Variants in NABP1 observed in about 807,000 individuals in gnomAD.
NABP1 encodes nucleic acid binding protein 1, also known as SOSS complex subunit B2.
Under a neutral mutation model 25.0 loss-of-function variants are expected in NABP1, and 18 were observed. That is an observed-to-expected ratio of 0.72 (90% CI 0.50 to 1.07). NABP1 has a LOEUF of 1.07. Ranked by LOEUF, NABP1 falls within the 50% of genes least tolerant of loss-of-function variation. The pLI is 0.00. For synonymous variants in NABP1, 71 were observed against 85.0 expected (o/e 0.84, Z 0.91); for missense variants, 270 against 255.6 (o/e 1.06, Z -0.39).
rs766971324 is a variant in NABP1, at chr2:191,679,175, G to A, written c.230+47G>A. 10 of 1,610,776 alleles carry A rather than the reference G, an allele frequency of 6.2e-6. No individual in the cohort carries two copies. In the African/African-American group the frequency reaches 1.3e-4, roughly 22 times the overall value. The stretch of plus-strand genomic sequence containing the variant: ...GGGACCTAACAGTCTGCAGAATCGG[G>A]ATTGGCCGGCTCCTGGGATCTTGGC... On this transcript the variant is annotated intron_variant, in intron 2 of 5. Coordinates refer to ENST00000425611, the MANE Select transcript of NABP1 (RefSeq NM_001031716.5).
intron 2 of NABP1, among the ~76,000 whole-genome samples, chr2:191,680,227 A>C (rs766184999): frequency 6.6e-6 from 1 of 152,244 alleles, no homozygotes; most frequent in Non-Finnish European, 1.5e-5. Flanking sequence ...GAGATCAATA[A>C]AATTGTAATA....
intron 3 of NABP1, 36 bp downstream of exon 3, chr2:191,682,053 A>G (rs753386617): frequency 5.0e-6 from 6 of 1,204,778 alleles, no homozygotes; most frequent in South Asian, 5.0e-5. Context: ...AATTGCATAT[A>G]TTATAAATAA....
chr2:191,678,736 C>A (rs780908046), intron 1 of NABP1, 31 bp downstream of exon 1: 105 of 1,581,132 alleles, frequency 6.6e-5, no homozygotes, highest in Non-Finnish European at 8.8e-5. Flanking sequence ...ACTCCACCGC[C>A]CGCTGTGCCT....
intron 2 of NABP1, 78 bp from the exon 3 acceptor site, chr2:191,681,868 A>G (rs949692859): frequency 6.5e-6 from 6 of 929,978 alleles, no homozygotes; most frequent in South Asian, 2.4e-5. Flanking sequence ...CAAAAAATAT[A>G]TAGTGTGAAG....
Position 191,684,231 on chromosome 2 carries a change from C to A in NABP1, c.380C>A (p.Ala127Glu). ...PDYRGQQNKG[A>E]QSEQKNNSMN... Reference sequence around the variant, plus strand: ...GTTAAATTAAAAACTTTTTTTTAGGCACAGAGTGAACAGAAGAATAATTCC... The same window carrying A: ...GTTAAATTAAAAACTTTTTTTTAGGAACAGAGTGAACAGAAGAATAATTCC... The change falls in exon 5 of 6, where the codon GCA (alanine) becomes GAA (glutamate). Residue 127 changes from alanine (A) to glutamate (E), a missense_variant and splice_region_variant. Transcript: ENST00000425611. The A allele has an allele frequency of 1.3e-6, 2 of 1,542,260 alleles. No individual in the cohort carries two copies. Among genetic ancestry groups the A allele is most frequent in the South Asian group, 1.2e-5 (1 of 81,492 alleles).
intron 1 of NABP1, 59 bp from the exon 2 acceptor site, chr2:191,678,931 C>T (rs567305362): frequency 1.9e-6 from 3 of 1,610,438 alleles, no homozygotes; most frequent in Non-Finnish European, 2.5e-6. Context: ...GAGGAGTTAG[C>T]CTTTCTGGAT....
In NABP1 at chr2:191,683,345, G is replaced by A; in HGVS notation, c.303-384G>A. 1 of 261,164 alleles carries A rather than the reference G, an allele frequency of 3.8e-6. No homozygotes were observed. Among genetic ancestry groups the A allele is most frequent in the Non-Finnish European group, 7.4e-6 (1 of 135,528 alleles). 16.2% of individuals were successfully genotyped at this position (261,164 alleles called of 1,614,324 possible). A position where few individuals can be genotyped will look rare whatever the true frequency, so the allele number is the denominator to read the frequency against. On this transcript the variant is annotated intron_variant, in intron 3 of 5. Coordinates refer to ENST00000425611, the MANE Select transcript of NABP1 (RefSeq NM_001031716.5). The surrounding 1 kb of genome is among the most constrained non-coding windows in gnomAD (Gnocchi z 4.1). Reference sequence around the variant, plus strand: ...AATGGGAGTGGGTGAATGGATCGGTGCAAATCCATTACCACTGCTGGAGAA... The same window carrying A: ...AATGGGAGTGGGTGAATGGATCGGTACAAATCCATTACCACTGCTGGAGAA...
intron 2 of NABP1, among the ~76,000 whole-genome samples, chr2:191,680,386 AGT>A: frequency 6.6e-6 from 1 of 152,312 alleles, no homozygotes; most frequent in African/African-American, 2.4e-5. Flanking sequence ...AGTGAGGTAA[AGT>A]GTCATCAAAG....
chr2:191,682,514 G>A (rs779380208), intron 3 of NABP1: 4 of 471,050 alleles, frequency 8.5e-6, no homozygotes, highest in South Asian at 1.5e-5. Flanking sequence ...GCAGGCAGCC[G>A]CAATGCGAGA....
chr2:191,682,565 C>T (rs1000267654), intron 3 of NABP1: 6 of 471,052 alleles, frequency 1.3e-5, no homozygotes, highest in Non-Finnish European at 2.6e-5. Context: ...CCACCCTGAC[C>T]TGGAGGAGCC....
intron 5 of NABP1, 26 bp from the exon 6 acceptor site, chr2:191,685,573 T>C: frequency 6.3e-7 from 1 of 1,583,280 alleles, no homozygotes; most frequent in Non-Finnish European, 8.6e-7. Context: ...CTGAAAATAG[T>C]GATGAATTTT....
rs746325540 is a variant in NABP1 at position 191,678,595 on chromosome 2, G to T, written c.-20G>T. The T allele has an allele frequency of 1.3e-6, 2 of 1,588,260 alleles. No individual in the cohort carries two copies. The highest frequency in any genetic ancestry group is 1.1e-5 in the South Asian group (1 of 89,968). ...CCTGCCCACTCGCGTCTCCGCAGCC[G>T]TAGCCGCGCCTGTCCCAATATGAAT... is the stretch of plus-strand genomic sequence containing the variant. On this transcript the variant is annotated 5_prime_UTR_variant, in exon 1 of 6. Coordinates refer to ENST00000425611, the MANE Select transcript of NABP1 (RefSeq NM_001031716.5).
rs1687738257 is a variant in NABP1, at chr2:191,683,496, AAAG to A, written c.303-227_303-225del. 7.7e-6 allele frequency: 3 copies of A among 387,516 alleles called. No individual in the cohort carries two copies. The highest frequency in any genetic ancestry group is 1.1e-4 in the East Asian group (2 of 17,906). The allele number at this position is 387,516 out of a possible 1,614,324, so 24.0% of individuals were successfully genotyped here. Reference sequence around the variant, plus strand: ...TTGATGTGATTTTTTTTTCAGCACTAAAGAAGAATTTAAATACAAAATAGAATG... The same window carrying A: ...TTGATGTGATTTTTTTTTCAGCACTAAAGAATTTAAATACAAAATAGAATG... On this transcript the variant is annotated intron_variant, in intron 3 of 5. Transcript: ENST00000425611. This position sits in a 1 kb window ranked among gnomAD's most constrained non-coding sequence, Gnocchi z 4.1.
At position 191,683,479 on chromosome 2, in the gene NABP1, AT is replaced by A. The variant is rs137973508; in HGVS notation, c.303-241del. The A allele has an allele frequency of 1.4e-4, 51 of 369,664 alleles. No individual in the cohort carries two copies. Among genetic ancestry groups the A allele is most frequent in the East Asian group, 1.9e-4 (3 of 15,484 alleles). 22.9% of individuals were successfully genotyped at this position (369,664 alleles called of 1,614,324 possible). ...TTTTGTGTCCTTGATTTTTGATGTG[AT>A]TTTTTTTTCAGCACTAAAGAAGAAT... On this transcript the variant is annotated intron_variant, in intron 3 of 5. Coordinates refer to ENST00000425611, the MANE Select transcript of NABP1 (RefSeq NM_001031716.5). The surrounding 1 kb of genome is among the most constrained non-coding windows in gnomAD (Gnocchi z 4.1).
rs776212222 is a variant in NABP1 at position 191,683,748 on chromosome 2, G to C, written c.322G>C (p.Glu108Gln). Residue 108 changes from glutamate to glutamine, a missense_variant, in exon 4 of 6, where the codon GAA (glutamate) becomes CAA (glutamine). Transcript: ENST00000425611. This position sits in a 1 kb window ranked among gnomAD's most constrained non-coding sequence, Gnocchi z 4.1. ...KIGEFCMVYS[E>Q]VPNFSEPNPD... is the part of the protein sequence containing the mutation. The stretch of plus-strand genomic sequence containing the variant: ...TTTCAGATTTTGTATGGTTTATTCA[G>C]AAGTGCCAAATTTCAGTGAACCCAA... 2 of 1,611,200 alleles carry C rather than the reference G, an allele frequency of 1.2e-6. No homozygotes were observed. Among genetic ancestry groups the C allele is most frequent in the Non-Finnish European group, 1.7e-6 (2 of 1,179,144 alleles).
At chr2:191,678,877 G>T in intron 1 of NABP1, 113 bp from the exon 2 acceptor site, 1 of 1,506,792 alleles carries the variant, frequency 6.6e-7, no homozygotes, top group Non-Finnish European at 9.1e-7. Context: ...GGGAGCCCTG[G>T]GCTTGGTCAC....
At chr2:191,679,487 G>A (rs896538082) in intron 2 of NABP1, among the ~76,000 whole-genome samples, 2 of 152,156 alleles carry the variant, frequency 1.3e-5, no homozygotes, top group African/African-American at 4.8e-5. Context: ...AGAGATTCTC[G>A]TGCCTCAGCC....
intron 1 of NABP1, 92 bp from the exon 2 acceptor site, chr2:191,678,898 C>A: frequency 6.4e-7 from 1 of 1,555,906 alleles, no homozygotes; most frequent in Non-Finnish European, 8.8e-7. Context: ...TTCCCACCTT[C>A]CAGATGTATT....
At chr2:191,682,380 A>G (rs1687710076) in intron 3 of NABP1, 2 of 372,656 alleles carry the variant, frequency 5.4e-6, no homozygotes. Context: ...GTGATTCACC[A>G]AGTTTCAGGC....
Sources: gnomAD v4.1 joint callset for allele counts (sites outside exome capture counted in the v4.1 genomes callset) on GRCh38, gnomAD v4.1.1 for gene constraint, Gnocchi (gnomAD v3.1) non-coding constraint, MANE v1.5 for transcripts, NCBI Gene and HGNC (gene_info 2026-07-23, HGNC 2026-07-21) for gene names.